Variants in PHACTR3 observed in about 807,000 individuals in gnomAD.
PHACTR3 encodes the protein protein phosphatase 1, regulatory subunit 123.
A neutral mutation model predicts 66.8 loss-of-function variants in PHACTR3; 16 were observed. The ratio of observed to expected loss-of-function variants is 0.24; its 90% CI spans 0.16 to 0.36. The LOEUF is 0.36. PHACTR3 is among the 10% of genes least tolerant of loss of function. The pLI, the probability that PHACTR3 is intolerant of heterozygous loss-of-function variation, is 1.00. For synonymous variants in PHACTR3, 323 were observed against 292.1 expected (o/e 1.11, Z -1.08); for missense variants, 647 against 719.9 (o/e 0.90, Z 1.16).
At chr20:59,635,158 TTTCTTTCTTTC>T in intron 1 of PHACTR3, among the ~76,000 whole-genome samples, 1 of 64,808 alleles carries the variant, frequency 1.5e-5, no homozygotes, top group Admixed American at 1.8e-4. Context: ...TTTTTCTTTC[TTTCTTTCTTTC>T]CTTTCTTTCT....
chr20:59,635,280 G>A (rs12480640), intron 1 of PHACTR3, among the ~76,000 whole-genome samples: 5,058 of 140,564 alleles, frequency 0.036, 201 homozygotes, highest in Admixed American at 0.094. Flanking sequence ...TGTTGCCCAG[G>A]CTGGAGTGCA....
intron 1 of PHACTR3, among the ~76,000 whole-genome samples, chr20:59,683,664 G>C (rs1053264744): frequency 2.0e-5 from 3 of 152,078 alleles, no homozygotes; most frequent in Admixed American, 6.5e-5. Context: ...GAGCCAGAGG[G>C]TCTTATGTAT....
intron 1 of PHACTR3, among the ~76,000 whole-genome samples, chr20:59,616,762 AG>A (rs2034039921): frequency 6.6e-6 from 1 of 152,230 alleles, no homozygotes; most frequent in Admixed American, 6.5e-5. Context: ...TGCTTTGGTT[AG>A]TTCTTTCCCC....
intron 1 of PHACTR3, among the ~76,000 whole-genome samples, chr20:59,655,039 C>T (rs564877278): frequency 6.6e-6 from 1 of 151,978 alleles, no homozygotes; most frequent in Non-Finnish European, 1.5e-5. Context: ...TGTGAGGATT[C>T]TTGTACAAGT....
At chr20:59,785,910 C>T (rs2040898837) in intron 7 of PHACTR3, among the ~76,000 whole-genome samples, 1 of 151,256 alleles carries the variant, frequency 6.6e-6, no homozygotes, top group African/African-American at 2.5e-5. Context: ...CTCTGCATCC[C>T]CTGCTTCTGG....
chr20:59,677,369 G>A (rs1156902214), intron 1 of PHACTR3, among the ~76,000 whole-genome samples: 1 of 152,178 alleles, frequency 6.6e-6, no homozygotes, highest in Non-Finnish European at 1.5e-5. Context: ...GGGTGAGGGA[G>A]AAGGCACACT....
intron 9 of PHACTR3, among the ~76,000 whole-genome samples, chr20:59,838,971 T>C (rs964956683): frequency 1.3e-5 from 2 of 151,904 alleles, no homozygotes; most frequent in African/African-American, 4.8e-5. Flanking sequence ...TGACAGGAAC[T>C]TTCAAAGATC....
intron 1 of PHACTR3, among the ~76,000 whole-genome samples, chr20:59,635,165 C>CG (rs2034833936): frequency 2.5e-5 from 1 of 40,004 alleles, no homozygotes; most frequent in Non-Finnish European, 4.6e-5. Context: ...TTCTTTCTTT[C>CG]TTTCCTTTCT....
chr20:59,676,028 C>T (rs73140890), intron 1 of PHACTR3, among the ~76,000 whole-genome samples: 18,973 of 152,270 alleles, frequency 0.12, 1,449 homozygotes, highest in Non-Finnish European at 0.17. Context: ...CAGACTCCTT[C>T]TTGCCTCCTG....
At chr20:59,679,014 C>T (rs1454428359) in intron 1 of PHACTR3, among the ~76,000 whole-genome samples, 4 of 152,252 alleles carry the variant, frequency 2.6e-5, no homozygotes, top group African/African-American at 7.2e-5. Flanking sequence ...GTGATGCTGA[C>T]GCCGGTCCAG....
intron 1 of PHACTR3, among the ~76,000 whole-genome samples, chr20:59,592,527 T>C (rs2033214557): frequency 6.6e-6 from 1 of 152,216 alleles, no homozygotes. Context: ...TTAGACCAAT[T>C]CATTCATTTT....
At chr20:59,578,823 G>C (rs549625579) in intron 1 of PHACTR3, among the ~76,000 whole-genome samples, 6 of 152,320 alleles carry the variant, frequency 3.9e-5, no homozygotes, top group African/African-American at 1.4e-4. Context: ...GCCTTCTGTG[G>C]TGCCCTTGGA....
intron 1 of PHACTR3, among the ~76,000 whole-genome samples, chr20:59,737,531 TGTGC>T (rs907873834): frequency 1.3e-4 from 9 of 67,484 alleles, no homozygotes; most frequent in South Asian, 4.8e-4. Context: ...CGTGTATGTG[TGTGC>T]GTGCATGTGC....
At chr20:59,797,662 T>C (rs536651604) in intron 7 of PHACTR3, among the ~76,000 whole-genome samples, 42 of 152,276 alleles carry the variant, frequency 2.8e-4, no homozygotes, top group Non-Finnish European at 5.7e-4. Context: ...GTGGCAATAG[T>C]GGTAGCAAGC....
At chr20:59,696,510 G>T (rs1385541623) in intron 1 of PHACTR3, among the ~76,000 whole-genome samples, 1 of 152,118 alleles carries the variant, frequency 6.6e-6, no homozygotes, top group Non-Finnish European at 1.5e-5. Flanking sequence ...AGCATGTTGG[G>T]GCTGTGCTTC....
chr20:59,761,411 G>C (rs138374658), intron 4 of PHACTR3, among the ~76,000 whole-genome samples: 2 of 152,296 alleles, frequency 1.3e-5, no homozygotes, highest in East Asian at 3.9e-4. Flanking sequence ...CTGAGACCAA[G>C]GTTGTGCTGG....
At chr20:59,682,922 C>CG (rs1169811926) in intron 1 of PHACTR3, among the ~76,000 whole-genome samples, 7 of 152,008 alleles carry the variant, frequency 4.6e-5, no homozygotes, top group South Asian at 2.1e-4. Context: ...TGTGACGGGT[C>CG]GGGGGGGACA....
At chr20:59,683,378 C>T (rs865799704) in intron 1 of PHACTR3, among the ~76,000 whole-genome samples, 3 of 152,090 alleles carry the variant, frequency 2.0e-5, no homozygotes, top group East Asian at 1.9e-4. Context: ...TTCGGGAGGC[C>T]GCAGCTGAGC....
chr20:59,836,563 G>A lies in PHACTR3; in HGVS notation c.1384+3G>A, dbSNP rs1262864822. On this transcript the variant is annotated splice_donor_region_variant and intron_variant, in intron 9 of 12. Coordinates refer to ENST00000371015, the MANE Select transcript of PHACTR3 (RefSeq NM_080672.5). ...GGAGAGAAGAAATATCTTGAAACGTGAGTAGCTGGTGATTCCTCTAGAGGT... is the reference window on the plus strand; with the variant it reads ...GGAGAGAAGAAATATCTTGAAACGTAAGTAGCTGGTGATTCCTCTAGAGGT... The A allele has an allele frequency of 2.7e-5, 44 of 1,610,424 alleles. No homozygotes were observed. The highest frequency in any genetic ancestry group is 3.7e-5 in the Non-Finnish European group (44 of 1,178,770).
Sources: allele counts gnomAD v4.1 joint callset (sites outside exome capture counted in the v4.1 genomes callset), GRCh38; gene constraint gnomAD v4.1.1; transcripts MANE v1.5; gene names NCBI Gene and HGNC (gene_info 2026-07-23, HGNC 2026-07-21).